The following RBP7 variants were observed in gnomAD, a reference collection of about 807,000 sequenced individuals.
RBP7 encodes retinoid-binding protein 7.
A neutral mutation model predicts 16.7 loss-of-function variants in RBP7; 13 were observed. The observed-to-expected ratio is 0.78, with a 90% confidence interval of 0.51 to 1.24. RBP7 has a LOEUF of 1.24. Ranked by LOEUF, RBP7 falls within the 50% of genes most tolerant of loss-of-function variation. RBP7 has a pLI of 0.00. For synonymous variants in RBP7, 54 were observed against 56.2 expected, an observed-to-expected ratio of 0.96 and a Z score of 0.17; for missense variants, 145 against 159.5, an observed-to-expected ratio of 0.91 and a Z score of 0.49.
chr1:10,014,603 T>A (rs1304886869), intron 3 of RBP7, among the ~76,000 whole-genome samples: 1 of 152,100 alleles, frequency 6.6e-6, no homozygotes, highest in African/African-American at 2.4e-5. Flanking sequence ...GCCAGGCTGA[T>A]CTAGAACTCC....
At position 9,997,338 on chromosome 1, in the gene RBP7, C is replaced by A; in HGVS notation, c.73+7C>A. ...GGCTACATGCTGGCCCTAGGTAAGG[C>A]GGAGGGGAGGCGGCGGCGGCGCGAG... On this transcript the variant is annotated splice_region_variant and intron_variant, in intron 1 of 3. Coordinates refer to ENST00000294435, the MANE Select transcript of RBP7 (RefSeq NM_052960.3). This position sits in a 1 kb window ranked among gnomAD's most constrained non-coding sequence, Gnocchi z 5.9. The A allele has an allele frequency of 6.2e-7, 1 of 1,609,734 alleles. No homozygotes were observed. Among genetic ancestry groups the A allele is most frequent in the Non-Finnish European group, 8.5e-7 (1 of 1,178,482 alleles).
intron 2 of RBP7, 105 bp downstream of exon 2, chr1:10,007,853 C>A: frequency 9.8e-7 from 1 of 1,024,786 alleles, no homozygotes; most frequent in Non-Finnish European, 1.4e-6. Context: ...TTGAGACCAG[C>A]CTGGGCAACA....
intron 3 of RBP7, among the ~76,000 whole-genome samples, chr1:10,012,566 A>G (rs1347042442): frequency 2.0e-5 from 3 of 151,682 alleles, no homozygotes; most frequent in East Asian, 3.9e-4. Context: ...CCAAAGCGGG[A>G]AGATTGCTTG....
At chr1:10,004,164 C>T (rs1642358294) in intron 1 of RBP7, 1 of 150,786 alleles carries the variant, frequency 6.6e-6, no homozygotes, top group African/African-American at 2.5e-5. Flanking sequence ...CTTCCGTCTC[C>T]CCGGTTCAAA....
chr1:10,012,763 G>A (rs1273685433), intron 3 of RBP7, among the ~76,000 whole-genome samples: 3 of 151,060 alleles, frequency 2.0e-5, no homozygotes, highest in Non-Finnish European at 4.4e-5. Flanking sequence ...GCGAAACCCC[G>A]TCTCTATTAA....
intron 1 of RBP7, among the ~76,000 whole-genome samples, chr1:10,006,726 CGTGTGTGT>C (rs139188536): frequency 1.5e-5 from 2 of 129,490 alleles, no homozygotes; most frequent in South Asian, 2.6e-4. Context: ...AAAGTATATA[CGTGTGTGT>C]GTGTGTGTGT....
At chr1:10,011,900 T>C (rs2101739219) in intron 3 of RBP7, among the ~76,000 whole-genome samples, 1 of 151,208 alleles carries the variant, frequency 6.6e-6, no homozygotes, top group East Asian at 1.9e-4. Flanking sequence ...CTACTATAAA[T>C]ACAAAAATTA....
At chr1:10,002,414 G>A (rs937045302) in intron 1 of RBP7, among the ~76,000 whole-genome samples, 4 of 151,920 alleles carry the variant, frequency 2.6e-5, no homozygotes, top group Non-Finnish European at 4.4e-5. Context: ...GAGGAATATG[G>A]CCTTTTGGAC....
intron 1 of RBP7, among the ~76,000 whole-genome samples, chr1:10,005,861 C>G (rs935177924): frequency 1.3e-5 from 2 of 152,120 alleles, no homozygotes; most frequent in African/African-American, 4.8e-5. Context: ...CCACGGCTGG[C>G]AGAATCACGT....
At chr1:10,010,171 A>T (rs911965328) in intron 3 of RBP7, among the ~76,000 whole-genome samples, 2 of 152,158 alleles carry the variant, frequency 1.3e-5, no homozygotes, top group African/African-American at 2.4e-5. Flanking sequence ...GCTGGAGTGC[A>T]GTGGCATGAT....
Position 9,997,319 on chromosome 1 carries a change from A to C in RBP7, c.61A>C (p.Met21Leu). Residue 21 changes from methionine to leucine, a missense_variant, in exon 1 of 4, where the codon ATG (methionine) becomes CTG (leucine). By Grantham distance (15) the Met-to-Leu change is conservative. Transcript: ENST00000294435. This position sits in a 1 kb window ranked among gnomAD's most constrained non-coding sequence, Gnocchi z 5.9. Reference sequence around the variant, plus strand: ...CAGCAGCGACAACTTCGAGGGCTACATGCTGGCCCTAGGTAAGGCGGAGGG... The same window carrying C: ...CAGCAGCGACAACTTCGAGGGCTACCTGCTGGCCCTAGGTAAGGCGGAGGG... ...LLSSDNFEGY[M>L]LALGIDFATR... is the part of the protein sequence containing the mutation. 2 of 1,611,104 alleles carry C rather than the reference A, an allele frequency of 1.2e-6. No homozygotes were observed. The highest frequency in any genetic ancestry group is 1.7e-6 in the Non-Finnish European group (2 of 1,178,982).
intron 3 of RBP7, among the ~76,000 whole-genome samples, chr1:10,015,371 G>A (rs975731474): frequency 2.7e-5 from 4 of 150,040 alleles, no homozygotes; most frequent in South Asian, 2.1e-4. Context: ...AGGCAATTCC[G>A]CTTAAAGGCA....
At chr1:10,010,734 A>G (rs1642593642) in intron 3 of RBP7, among the ~76,000 whole-genome samples, 1 of 151,808 alleles carries the variant, frequency 6.6e-6, no homozygotes, top group South Asian at 2.1e-4. Context: ...ACAGGCATGC[A>G]CCACCACGCC....
intron 3 of RBP7, among the ~76,000 whole-genome samples, chr1:10,011,636 G>A (rs953745818): frequency 1.3e-5 from 2 of 152,192 alleles, no homozygotes; most frequent in Non-Finnish European, 2.9e-5. Context: ...AAATCTAGGT[G>A]AGACCCATGA....
At chr1:10,001,990 C>T (rs915645772) in intron 1 of RBP7, among the ~76,000 whole-genome samples, 14 of 151,840 alleles carry the variant, frequency 9.2e-5, no homozygotes, top group Non-Finnish European at 2.1e-4. Flanking sequence ...CCCCACACCC[C>T]GTTAATTTTA....
chr1:10,008,366 T>G, intron 3 of RBP7, 92 bp downstream of exon 3: 1 of 770,152 alleles, frequency 1.3e-6, no homozygotes, highest in Non-Finnish European at 2.2e-6. Flanking sequence ...ATCCCAGCAT[T>G]TTAGGAGGCC....
At chr1:9,998,403 CTTTCTTTTTTTTT>C (rs1642210616) in intron 1 of RBP7, among the ~76,000 whole-genome samples, 1 of 120,434 alleles carries the variant, frequency 8.3e-6, no homozygotes, top group African/African-American at 4.0e-5. Context: ...TTCTTTCTTT[CTTTCTTTTTTTTT>C]TTTTTTTTTG....
At chr1:10,008,150 C>T (rs769450900) in intron 2 of RBP7, 23 bp from the exon 3 acceptor site, 3 of 1,479,108 alleles carry the variant, frequency 2.0e-6, no homozygotes, top group African/African-American at 1.4e-5. Flanking sequence ...GACAAGCTAA[C>T]ATTTTCTCCT....
chr1:10,005,750 A>G (rs542242845), intron 1 of RBP7, among the ~76,000 whole-genome samples: 1 of 151,624 alleles, frequency 6.6e-6, no homozygotes, highest in Admixed American at 6.6e-5. Flanking sequence ...TTCAGTAGAG[A>G]TGGGGTTTTG....
Sources: gnomAD v4.1 joint callset for allele counts (sites outside exome capture counted in the v4.1 genomes callset) on GRCh38, gnomAD v4.1.1 for gene constraint, Gnocchi (gnomAD v3.1) non-coding constraint, MANE v1.5 for transcripts, NCBI Gene and HGNC (gene_info 2026-07-23, HGNC 2026-07-21) for gene names.